Variants in PPP2R5A observed in about 807,000 individuals in gnomAD.
PPP2R5A encodes the protein protein phosphatase 2 regulatory subunit B'alpha.
A neutral mutation model predicts 64.2 loss-of-function variants in PPP2R5A; 25 were observed. The observed-to-expected ratio is 0.39, with a 90% CI of 0.28 to 0.54. The LOEUF is 0.54. PPP2R5A is among the 20% of genes least tolerant of loss of function. The pLI, the probability that PPP2R5A is intolerant of heterozygous loss-of-function variation, is 0.67. For synonymous variants in PPP2R5A, 198 were observed against 201.2 expected (o/e 0.98, Z 0.13); for missense variants, 425 against 576.3 (o/e 0.74, Z 2.69).
chr1:212,314,132 A>G (rs952765000), intron 1 of PPP2R5A, among the ~76,000 whole-genome samples: 3 of 152,180 alleles, frequency 2.0e-5, no homozygotes, highest in Non-Finnish European at 4.4e-5. Context: ...CAGTTACCAT[A>G]TTATGAGGGA....
At chr1:212,321,617 A>C in intron 1 of PPP2R5A, among the ~76,000 whole-genome samples, 1 of 143,374 alleles carries the variant, frequency 7.0e-6, no homozygotes, top group African/African-American at 2.9e-5. Context: ...TGCTCCCCAC[A>C]TCTCAGACGA....
intron 5 of PPP2R5A, 70 bp from the exon 6 acceptor site, chr1:212,347,277 C>G (rs539478840): frequency 9.0e-7 from 1 of 1,111,954 alleles, no homozygotes; most frequent in African/African-American, 1.6e-5. Flanking sequence ...ATTTCTTCAC[C>G]CTCCTGCCTG....
intron 3 of PPP2R5A, among the ~76,000 whole-genome samples, chr1:212,341,386 T>C (rs1659682406): frequency 1.3e-5 from 2 of 152,216 alleles, no homozygotes; most frequent in South Asian, 4.1e-4. Context: ...TTTCCCACTG[T>C]AGTTTTATAG....
chr1:212,309,298 T>C, intron 1 of PPP2R5A: 3 of 1,531,142 alleles, frequency 2.0e-6, no homozygotes, highest in South Asian at 2.2e-5. Flanking sequence ...GATGATAGCA[T>C]AGTGGTCAAG....
chr1:212,347,514 G>A (rs1659803880), intron 6 of PPP2R5A, 108 bp downstream of exon 6: 2 of 790,348 alleles, frequency 2.5e-6, no homozygotes, highest in Non-Finnish European at 2.0e-6. Flanking sequence ...GAGTTTAAAT[G>A]TAGAACACAT....
chr1:212,344,296 T>G (rs1294579583), intron 4 of PPP2R5A, among the ~76,000 whole-genome samples: 2 of 152,182 alleles, frequency 1.3e-5, no homozygotes, highest in African/African-American at 4.8e-5. Context: ...TAGAATAATT[T>G]GATGTGAACT....
At chr1:212,286,633 C>T (rs1658509519) in intron 1 of PPP2R5A, among the ~76,000 whole-genome samples, 1 of 152,200 alleles carries the variant, frequency 6.6e-6, no homozygotes, top group Non-Finnish European at 1.5e-5. Context: ...TTGCCCTTTC[C>T]CGGTCTTGCT....
Position 212,345,892 on chromosome 1 carries a change from A to C in PPP2R5A, c.663A>C (p.Leu221Phe), listed in dbSNP as rs1435143688. The C allele has an allele frequency of 3.1e-6, 5 of 1,610,160 alleles. No homozygotes were observed. The highest frequency in any genetic ancestry group is 4.2e-6 in the Non-Finnish European group (5 of 1,177,546). The change falls in exon 5 of 13, where the codon TTA (leucine) becomes TTC (phenylalanine). Residue 221 changes from leucine (L) to phenylalanine (F), a missense_variant. Coordinates refer to ENST00000261461, the MANE Select transcript of PPP2R5A (RefSeq NM_006243.4). ...GAATTTATGGGAAATTTCTTGGATT[A>C]AGAGCATTCATCAGAAAACAAATTA... ...LHRIYGKFLG[L>F]RAFIRKQINN...
At chr1:212,351,890 C>G (rs1326466525) in intron 8 of PPP2R5A, among the ~76,000 whole-genome samples, 26 of 151,910 alleles carry the variant, frequency 1.7e-4, no homozygotes, top group Admixed American at 1.7e-3. Context: ...TTTTATAAAA[C>G]AAGCAAAACA....
At chr1:212,354,578 G>A (rs1320179533) in intron 8 of PPP2R5A, among the ~76,000 whole-genome samples, 1 of 151,846 alleles carries the variant, frequency 6.6e-6, no homozygotes, top group Non-Finnish European at 1.5e-5. Flanking sequence ...CAGCTACTTG[G>A]GAGGCTGAGG....
chr1:212,306,439 C>A (rs967801702), intron 1 of PPP2R5A, among the ~76,000 whole-genome samples: 4 of 152,056 alleles, frequency 2.6e-5, no homozygotes, highest in African/African-American at 9.7e-5. Flanking sequence ...ACACTAATAT[C>A]AAACAAAACA....
At chr1:212,348,071 A>G (rs1659814986) in intron 6 of PPP2R5A, among the ~76,000 whole-genome samples, 1 of 152,214 alleles carries the variant, frequency 6.6e-6, no homozygotes, top group African/African-American at 2.4e-5. Flanking sequence ...CATTCTAACA[A>G]TATTGTGGTA....
intron 11 of PPP2R5A, chr1:212,357,932 G>A (rs968027140): frequency 6.6e-6 from 1 of 152,180 alleles, no homozygotes. Flanking sequence ...GAGTAGCTAC[G>A]ACCACAGGTG....
At chr1:212,296,628 A>AT (rs1308114785) in intron 1 of PPP2R5A, among the ~76,000 whole-genome samples, 5 of 152,230 alleles carry the variant, frequency 3.3e-5, no homozygotes, top group Non-Finnish European at 7.3e-5. Context: ...AGTTGCCTGA[A>AT]TAAGGTTAAA....
chr1:212,329,421 C>G, intron 2 of PPP2R5A, 90 bp downstream of exon 2: 3 of 1,140,960 alleles, frequency 2.6e-6, no homozygotes, highest in Non-Finnish European at 2.4e-6. Flanking sequence ...AATAAATGTA[C>G]AATAATTAAT....
chr1:212,316,804 A>C (rs2102423521), intron 1 of PPP2R5A, among the ~76,000 whole-genome samples: 1 of 151,848 alleles, frequency 6.6e-6, no homozygotes, highest in Non-Finnish European at 1.5e-5. Context: ...GGGCTTATTG[A>C]TTATCTGGTT....
At chr1:212,321,513 G>C (rs1175650849) in intron 1 of PPP2R5A, among the ~76,000 whole-genome samples, 7 of 149,398 alleles carry the variant, frequency 4.7e-5, no homozygotes, top group African/African-American at 1.8e-4. Flanking sequence ...TTCTCAGACG[G>C]GGCGGTTGCC....
At chr1:212,342,761 C>T (rs1053912076) in intron 4 of PPP2R5A, among the ~76,000 whole-genome samples, 2 of 152,188 alleles carry the variant, frequency 1.3e-5, no homozygotes, top group Admixed American at 1.3e-4. Flanking sequence ...TTCCTCTTTG[C>T]ACCTAAGCCC....
Position 212,286,262 on chromosome 1 carries a change from C to G in PPP2R5A, c.152C>G (p.Ala51Gly), listed in dbSNP as rs866190911. ...CAGTTTCGCAGCCAGGGCAGCCAGG[C>G]AGAGCTGCACCCGCTGCCCCAGCTC... Reference protein sequence around the residue: ...SSQFRSQGSQAELHPLPQLKD... With the variant: ...SSQFRSQGSQGELHPLPQLKD... Residue 51 changes from alanine (A) to glycine (G), a missense_variant, in exon 1 of 13, where the codon GCA becomes GGA. By Grantham distance (60) the Ala-to-Gly change is moderately conservative. Coordinates refer to ENST00000261461, the MANE Select transcript of PPP2R5A (RefSeq NM_006243.4). 4 of 1,537,760 alleles carry G rather than the reference C, an allele frequency of 2.6e-6. No individual in the cohort carries two copies. The highest frequency in any genetic ancestry group is 3.5e-6 in the Non-Finnish European group (4 of 1,144,220).
Sources: allele counts gnomAD v4.1 joint callset (sites outside exome capture counted in the v4.1 genomes callset), GRCh38; gene constraint gnomAD v4.1.1; transcripts MANE v1.5; gene names NCBI Gene and HGNC (gene_info 2026-07-23, HGNC 2026-07-21).